Variants in DGKQ observed in about 807,000 individuals in gnomAD.
DGKQ encodes the protein DAG kinase theta.
In DGKQ, 97 loss-of-function variants were observed where a neutral mutation model predicts 104.2. The observed-to-expected ratio is 0.93, with a 90% CI of 0.79 to 1.10. DGKQ has a LOEUF of 1.10. DGKQ is among the 50% of genes least tolerant of loss of function. The pLI is 0.00. For missense variants in DGKQ, 1,465 were observed against 1,352.1 expected (o/e 1.08, Z -1.31); for synonymous variants, 736 against 595.2 (o/e 1.24, Z -3.44).
Position 961,729 on chromosome 4 carries a change from C to T in DGKQ, c.2421G>A (p.Glu807=), listed in dbSNP as rs1711904254. 2 of 1,612,684 alleles carry T rather than the reference C, an allele frequency of 1.2e-6. No homozygotes were observed. Among genetic ancestry groups the T allele is most frequent in the East Asian group, 2.2e-5 (1 of 44,860 alleles). ...IRLQVERQEV[E]LPSIEGLIFI... ...AGATGAGGCCTTCAATACTGGGCAG[C>T]TCCACCTCCTGCCGCTCCACCTGCA... The change falls in exon 20 of 23, where the codon GAG becomes GAA. Residue 807 remains glutamate (E), a synonymous_variant. Coordinates refer to ENST00000273814, the MANE Select transcript of DGKQ (RefSeq NM_001347.4).
At position 965,233 on chromosome 4, in the gene DGKQ, C is replaced by T. The variant is rs758396036; in HGVS notation, c.1677G>A (p.Leu559=). 1.9e-6 allele frequency: 3 copies of T among 1,612,612 alleles called. No individual in the cohort carries two copies. Among genetic ancestry groups the T allele is most frequent in the South Asian group, 1.1e-5 (1 of 91,090 alleles). ...GCCGGCCCCGCACAGCCATGTCCTTCAGCAGCATGTACAGCCGCTCGGCCT... is the reference window on the plus strand; with the variant it reads ...GCCGGCCCCGCACAGCCATGTCCTTTAGCAGCATGTACAGCCGCTCGGCCT... ...FAEAERLYML[L]KDMAVRGRLL... is the part of the protein sequence containing the mutation. The change falls in exon 15 of 23, where the codon CTG becomes CTA. Residue 559 remains leucine, a synonymous_variant. Coordinates refer to ENST00000273814, the MANE Select transcript of DGKQ (RefSeq NM_001347.4).
At chr4:968,745 G>A (rs1287753823) in intron 3 of DGKQ, 66 bp downstream of exon 3, 19 of 1,472,942 alleles carry the variant, frequency 1.3e-5, no homozygotes, top group Non-Finnish European at 1.6e-5. Context: ...CAGCAGGGGT[G>A]GGCTGGGCCA....
At chr4:972,754 G>C (rs1713035484) in intron 1 of DGKQ, among the ~76,000 whole-genome samples, 1 of 152,248 alleles carries the variant, frequency 6.6e-6, no homozygotes. Context: ...GAGCTGGGCA[G>C]CTGGGTGGAG....
At position 968,823 on chromosome 4, in the gene DGKQ, G is replaced by A. The variant is rs143109797; in HGVS notation, c.439C>T (p.Leu147Phe). The A allele has an allele frequency of 5.0e-6, 8 of 1,610,572 alleles. No homozygotes were observed. The highest frequency in any genetic ancestry group is 6.8e-6 in the Non-Finnish European group (8 of 1,179,222). The change falls in exon 3 of 23, where the codon CTC becomes TTC. Residue 147 changes from leucine to phenylalanine, a missense_variant. Transcript: ENST00000273814. The part of the protein sequence containing the change: ...VCRKVLEAPA[L>F]HCEVCELHLH... Reference sequence around the variant, plus strand: ...AGGCTCCAGGTACCTTCGCAGTGGAGCGCCGGTGCCTCCAGGACCTTGCGG... The same window carrying A: ...AGGCTCCAGGTACCTTCGCAGTGGAACGCCGGTGCCTCCAGGACCTTGCGG...
At chr4:968,234 CGCACCTCTCCTG>C in intron 5 of DGKQ, 36 bp downstream of exon 5, 1 of 953,134 alleles carries the variant, frequency 1.0e-6, no homozygotes, top group Non-Finnish European at 1.5e-6. Flanking sequence ...CACCCAACCC[CGCACCTCTCCTG>C]CCCCACCCCC....
chr4:960,940 T>TC, intron 22 of DGKQ, 109 bp downstream of exon 22: 1 of 1,533,742 alleles, frequency 6.5e-7, no homozygotes, highest in Non-Finnish European at 8.8e-7. Context: ...GAGTCAGTGC[T>TC]CCCTGGCCGC....
At position 960,458 on chromosome 4, in the gene DGKQ, C is replaced by CGG; in HGVS notation, c.*160_*161dup. 1.6e-6 allele frequency: 1 copy of CGG among 637,688 alleles called. No individual in the cohort carries two copies. Among genetic ancestry groups the CGG allele is most frequent in the Admixed American group, 2.6e-5 (1 of 38,218 alleles). The allele number at this position is 637,688 out of a possible 1,614,324, so 39.5% of individuals were successfully genotyped here. ...ACATGTGTCACCAATGGGATGAGGG[C>CGG]GGGTCCCGCTCCGTCACTGGGAAGA... On this transcript the variant is annotated 3_prime_UTR_variant, in exon 23 of 23. Transcript: ENST00000273814.
rs1712615402 is a variant in DGKQ, at chr4:968,283, T to C, written c.662A>G (p.Gln221Arg). 1 of 511,724 alleles carries C rather than the reference T, an allele frequency of 2.0e-6. No individual in the cohort carries two copies. Among genetic ancestry groups the C allele is most frequent in the Non-Finnish European group, 2.8e-6 (1 of 361,834 alleles). The allele number at this position is 511,724 out of a possible 1,614,324, so 31.7% of individuals were successfully genotyped here. A position where few individuals can be genotyped will look rare whatever the true frequency, so the allele number is the denominator to read the frequency against. Residue 221 changes from glutamine to arginine, a missense_variant and splice_region_variant, in exon 5 of 23, where the codon CAG becomes CGG. Coordinates refer to ENST00000273814, the MANE Select transcript of DGKQ (RefSeq NM_001347.4). The part of the protein sequence containing the change: ...AGVRCEWCGV[Q>R]AHSLCSAALA... Reference sequence around the variant, plus strand: ...CCCCCTCGACTTCCCAGCGCCCACCTGGACCCCGCACCACTCGCAGCGCAC... The same window carrying C: ...CCCCCTCGACTTCCCAGCGCCCACCCGGACCCCGCACCACTCGCAGCGCAC...
Position 973,403 on chromosome 4 carries a change from G to A in DGKQ, c.80C>T (p.Pro27Leu), listed in dbSNP as rs17855876. ...CGCGCGGCCTCCTGAGCCCAGCACG[G>A]GGCTGCAGGCCGGGCTGCCGGGGCG... ...SPRPGSPACSPVLGSGGRARP... is the reference protein window; with the variant it reads ...SPRPGSPACSLVLGSGGRARP... Residue 27 changes from proline to leucine, a missense_variant, in exon 1 of 23, where the codon CCC becomes CTC. Transcript: ENST00000273814. The A allele has an allele frequency of 0.11, 107,916 of 1,024,874 alleles. 6,088 individuals are homozygous for A. Among genetic ancestry groups the A allele is most frequent in the South Asian group, 0.21 (4,670 of 22,428 alleles). 63.5% of individuals were successfully genotyped at this position (1,024,874 alleles called of 1,614,324 possible).
chr4:967,681 G>A (rs773898149), intron 7 of DGKQ, 32 bp from the exon 8 acceptor site: 33 of 1,612,056 alleles, frequency 2.0e-5, no homozygotes, highest in East Asian at 1.1e-4. Context: ...AGTCCCGGGC[G>A]CCCGGGGGAC....
rs757289192 is a variant in DGKQ at position 962,525 on chromosome 4, G to A, written c.2124C>T (p.Asp708=). Residue 708 remains aspartate, a synonymous_variant, in exon 18 of 23, where the codon GAC becomes GAT. Transcript: ENST00000273814. The part of the protein sequence containing the change: ...FSVLLSVDEA[D]AVLMDRWTIL... ...TGGTCCAGCGGTCCATGAGCACGGCGTCGGCCTCGTCCACAGACAGCAGTA... is the reference window on the plus strand; with the variant it reads ...TGGTCCAGCGGTCCATGAGCACGGCATCGGCCTCGTCCACAGACAGCAGTA... 18 of 1,609,958 alleles carry A rather than the reference G, an allele frequency of 1.1e-5. No individual in the cohort carries two copies. Among genetic ancestry groups the A allele is most frequent in the African/African-American group, 2.7e-5 (2 of 74,934 alleles).
chr4:964,523 C>T (rs1467871543), intron 15 of DGKQ, among the ~76,000 whole-genome samples: 1 of 151,332 alleles, frequency 6.6e-6, no homozygotes, highest in Non-Finnish European at 1.5e-5. Context: ...CTCCACGGAC[C>T]AGACCCCCGT....
At position 966,748 on chromosome 4, in the gene DGKQ, C is replaced by A; in HGVS notation, c.1366G>T (p.Val456Phe). The change falls in exon 11 of 23, where the codon GTC becomes TTC. Residue 456 changes from valine to phenylalanine, a missense_variant and splice_region_variant. Val to Phe is a conservative substitution (Grantham distance 50). Coordinates refer to ENST00000273814, the MANE Select transcript of DGKQ (RefSeq NM_001347.4). The stretch of plus-strand genomic sequence containing the variant: ...CGCCCAGCACGGGCTGTCTACTCAC[C>A]GTGCCTGCAGCCCATCGCCACCTCC... ...LVEVAMGCRH[V>F]QRTMLMDEQP... is the part of the protein sequence containing the mutation. The A allele has an allele frequency of 6.2e-7, 1 of 1,607,128 alleles. No homozygotes were observed. The highest frequency in any genetic ancestry group is 8.5e-7 in the Non-Finnish European group (1 of 1,177,376).
In DGKQ at chr4:967,535, A is replaced by G; in HGVS notation, c.987+14T>C. On this transcript the variant is annotated intron_variant, in intron 8 of 22. Transcript: ENST00000273814. ...CTGGGAGGGGGCTCAGACCTCCCCC[A>G]GCCTCCCCCTTACCAGCACCTCCTC... The G allele has an allele frequency of 6.2e-7, 1 of 1,609,932 alleles. No individual in the cohort carries two copies.
chr4:965,384 G>T, intron 14 of DGKQ, 93 bp from the exon 15 acceptor site: 1 of 1,548,814 alleles, frequency 6.5e-7, no homozygotes, highest in Non-Finnish European at 8.8e-7. Flanking sequence ...CCCAGCCCAG[G>T]GCTGCCCAAG....
chr4:962,623 AAGCAGACACAG>A lies in DGKQ; in HGVS notation c.2036-21_2036-11del. On this transcript the variant is annotated splice_polypyrimidine_tract_variant and intron_variant, in intron 17 of 22. Coordinates refer to ENST00000273814, the MANE Select transcript of DGKQ (RefSeq NM_001347.4). Reference sequence around the variant, plus strand: ...CGACCAAGGTCATTCCCTGGGACACAAGCAGACACAGAGCATCTGTCCACACCCACCCGCCC... The same window carrying A: ...CGACCAAGGTCATTCCCTGGGACACAAGCATCTGTCCACACCCACCCGCCC... 1.2e-6 allele frequency: 2 copies of A among 1,605,622 alleles called. No homozygotes were observed. Among genetic ancestry groups the A allele is most frequent in the Non-Finnish European group, 1.7e-6 (2 of 1,178,992 alleles).
At chr4:962,201 G>A in intron 18 of DGKQ, 119 bp from the exon 19 acceptor site, 1 of 979,380 alleles carries the variant, frequency 1.0e-6, no homozygotes, top group Non-Finnish European at 1.5e-6. Flanking sequence ...ACCAAGCCGA[G>A]CACCCAGGAG....
At chr4:972,677 G>A (rs774142242) in intron 1 of DGKQ, among the ~76,000 whole-genome samples, 1 of 151,660 alleles carries the variant, frequency 6.6e-6, no homozygotes, top group Admixed American at 6.6e-5. Context: ...TGCCGCGGGG[G>A]AAGATGAGAG....
At position 961,684 on chromosome 4, in the gene DGKQ, G is replaced by C. The variant is rs770567816; in HGVS notation, c.2462+4C>G. The C allele has an allele frequency of 6.2e-7, 1 of 1,612,468 alleles. No individual in the cohort carries two copies. The highest frequency in any genetic ancestry group is 8.5e-7 in the Non-Finnish European group (1 of 1,179,910). On this transcript the variant is annotated splice_donor_region_variant and intron_variant, in intron 20 of 22. Transcript: ENST00000273814. ...AGCCTCTGGGGAGCCCCGCCCGCGA[G>C]CACCTGGGGATGTTGATGAAGATGA...
Sources: gnomAD v4.1 joint callset for allele counts (sites outside exome capture counted in the v4.1 genomes callset) on GRCh38, gnomAD v4.1.1 for gene constraint, MANE v1.5 for transcripts, NCBI Gene and HGNC (gene_info 2026-07-23, HGNC 2026-07-21) for gene names.